The following QSOX1 variants were observed in gnomAD, a reference collection of about 807,000 sequenced individuals.
QSOX1 encodes the protein quiescin sulfhydryl oxidase 1.
Under a neutral mutation model 76.1 loss-of-function variants are expected in QSOX1, and 40 were observed. The ratio of observed to expected loss-of-function variants is 0.53; its 90% CI spans 0.41 to 0.68. The LOEUF (loss-of-function observed/expected upper bound fraction) is 0.68. QSOX1 is among the 30% of genes least tolerant of loss of function. QSOX1 has a pLI of 0.00. For missense variants in QSOX1, 931 were observed against 974.3 expected (o/e 0.96, Z 0.59); for synonymous variants, 392 against 413.1 (o/e 0.95, Z 0.62).
chr1:180,177,908 G>A (rs1662938838), intron 4 of QSOX1, among the ~76,000 whole-genome samples: 1 of 152,032 alleles, frequency 6.6e-6, no homozygotes, highest in Non-Finnish European at 1.5e-5. Context: ...TGGAAACTGG[G>A]CCTCAGTTTC....
intron 5 of QSOX1, among the ~76,000 whole-genome samples, chr1:180,180,114 C>G (rs1318341096): frequency 6.6e-6 from 1 of 152,242 alleles, no homozygotes; most frequent in Non-Finnish European, 1.5e-5. Context: ...ATTTGTAGCA[C>G]AGTTCAGGCA....
At chr1:180,194,887 C>G (rs897819317) in intron 11 of QSOX1, among the ~76,000 whole-genome samples, 8 of 152,040 alleles carry the variant, frequency 5.3e-5, no homozygotes, top group Non-Finnish European at 1.0e-4. Context: ...ATGGCTCTAA[C>G]AGGCAAACAC....
At chr1:180,184,197 G>T in intron 7 of QSOX1, 147 bp downstream of exon 7, 1 of 1,116,910 alleles carries the variant, frequency 9.0e-7, no homozygotes, top group Non-Finnish European at 1.3e-6. Flanking sequence ...CCCACCCTGG[G>T]GTCTGGCCAT....
chr1:180,190,501 T>TC lies in QSOX1; in HGVS notation c.1212dup (p.Cys405LeufsTer50). On this transcript the variant is annotated frameshift_variant, in exon 10 of 12. Coordinates refer to ENST00000367602, the MANE Select transcript of QSOX1 (RefSeq NM_002826.5). LOFTEE classifies it high-confidence loss of function. ...GGAGTGAGCCGCATTTCCGGGGCTT[T>TC]CCCTGCTCCCTGTGGGTCCTCTTCC... is the stretch of plus-strand genomic sequence containing the variant. The TC allele has an allele frequency of 6.2e-7, 1 of 1,614,170 alleles. No individual in the cohort carries two copies. The highest frequency in any genetic ancestry group is 8.5e-7 in the Non-Finnish European group (1 of 1,179,984).
chr1:180,193,699 G>T (rs1474267931), intron 10 of QSOX1, among the ~76,000 whole-genome samples: 1 of 150,106 alleles, frequency 6.7e-6, no homozygotes, highest in Non-Finnish European at 1.5e-5. Context: ...CAGTGGGTGG[G>T]AGGGGGTGGG....
intron 1 of QSOX1, among the ~76,000 whole-genome samples, chr1:180,160,474 T>A (rs1334979810): frequency 1.3e-5 from 2 of 151,918 alleles, no homozygotes; most frequent in African/African-American, 4.8e-5. Flanking sequence ...AACAGTTGTG[T>A]TAGGGATGTT....
chr1:180,193,542 C>T (rs372365473), intron 10 of QSOX1, among the ~76,000 whole-genome samples: 1 of 152,008 alleles, frequency 6.6e-6, no homozygotes, highest in East Asian at 1.9e-4. Flanking sequence ...TGGAGGCAAG[C>T]ACCAGCAGCC....
chr1:180,195,740 A>C (rs1388673348), intron 11 of QSOX1, among the ~76,000 whole-genome samples: 2 of 152,256 alleles, frequency 1.3e-5, no homozygotes, highest in African/African-American at 2.4e-5. Context: ...AAGGATTGCC[A>C]TGAGCAGCTG....
chr1:180,182,287 G>A lies in QSOX1; in HGVS notation c.720G>A (p.Leu240=). The A allele has an allele frequency of 3.1e-6, 5 of 1,614,254 alleles. No homozygotes were observed. Among genetic ancestry groups the A allele is most frequent in the Non-Finnish European group, 4.2e-6 (5 of 1,180,042 alleles). The change falls in exon 6 of 12, where the codon CTG becomes CTA. Residue 240 remains leucine (L), a synonymous_variant. Transcript: ENST00000367602. ...CCGACTTCCCCTCTTGCTACCTGCT[G>A]TTCCGGAATGGCTCTGTCTCCCGAG... ...GVTDFPSCYL[L]FRNGSVSRVP...
intron 8 of QSOX1, among the ~76,000 whole-genome samples, chr1:180,188,091 A>G (rs1663218404): frequency 1.3e-5 from 2 of 152,196 alleles, no homozygotes; most frequent in Admixed American, 1.3e-4. Context: ...CCAGAGAACT[A>G]AAGCACCTTG....
rs975829356 is a variant in QSOX1 at position 180,168,950 on chromosome 1, G to A, written c.366+2359G>A. On this transcript the variant is annotated intron_variant, in intron 2 of 11. Transcript: ENST00000367602. ...AGCGAGGGCCCATGCGAAGCAGGGGGAGGAGAGAGTGCTTTTGGTATGATG... is the reference window on the plus strand; with the variant it reads ...AGCGAGGGCCCATGCGAAGCAGGGGAAGGAGAGAGTGCTTTTGGTATGATG... Among the ~76,000 whole-genome samples, 10 of 152,260 alleles carry A rather than the reference G, an allele frequency of 6.6e-5. 1 individual carries two copies. Among genetic ancestry groups the A allele is most frequent in the Admixed American group, 5.9e-4 (9 of 15,294 alleles).
chr1:180,196,294 G>T lies in QSOX1; in HGVS notation c.1501G>T (p.Val501Leu), dbSNP rs1216450543. ...APSEDPQFPKVQWPPRELCSA... is the reference protein window; with the variant it reads ...APSEDPQFPKLQWPPRELCSA... ...CAGCGAGGACCCCCAGTTCCCCAAGGTGCAGTGGCCACCCCGTGAACTTTG... is the reference window on the plus strand; with the variant it reads ...CAGCGAGGACCCCCAGTTCCCCAAGTTGCAGTGGCCACCCCGTGAACTTTG... Residue 501 changes from valine (V) to leucine (L), a missense_variant, in exon 12 of 12, where the codon GTG (valine) becomes TTG (leucine). By Grantham distance (32) the Val-to-Leu change is conservative (BLOSUM62 1). Transcript: ENST00000367602. The surrounding 1 kb of genome is among the most constrained non-coding windows in gnomAD (Gnocchi z 4.1). The T allele has an allele frequency of 1.2e-6, 2 of 1,613,548 alleles. No individual in the cohort carries two copies. Among genetic ancestry groups the T allele is most frequent in the African/African-American group, 2.7e-5 (2 of 74,856 alleles).
chr1:180,195,847 A>T (rs1426390138), intron 11 of QSOX1, among the ~76,000 whole-genome samples: 3 of 152,242 alleles, frequency 2.0e-5, no homozygotes, highest in African/African-American at 7.2e-5. Flanking sequence ...GCAAAAAAAG[A>T]CAAACACGAG....
Position 180,154,875 on chromosome 1 carries a change from T to C in QSOX1, c.-33T>C. 6 of 1,370,488 alleles carry C rather than the reference T, an allele frequency of 4.4e-6. No individual in the cohort carries two copies. Among genetic ancestry groups the C allele is most frequent in the Non-Finnish European group, 5.6e-6 (6 of 1,068,244 alleles). The allele number at this position is 1,370,488 out of a possible 1,614,324, so 84.9% of individuals were successfully genotyped here. ...CGGCGCCGGGACCCGACTCATCCGG[T>C]GCTTGCGTGTGGTGGTGAGCGCAGC... On this transcript the variant is annotated 5_prime_UTR_variant, in exon 1 of 12. Transcript: ENST00000367602.
In QSOX1 at chr1:180,198,463, T is replaced by A. The variant is rs1266399534; in HGVS notation, c.*1426T>A. 1.3e-5 allele frequency: 6 copies of A among 446,542 alleles called. No individual in the cohort carries two copies. The highest frequency in any genetic ancestry group is 9.3e-5 in the South Asian group (6 of 64,402). 27.7% of individuals were successfully genotyped at this position (446,542 alleles called of 1,614,324 possible). On this transcript the variant is annotated 3_prime_UTR_variant, in exon 12 of 12. Transcript: ENST00000367602. ...GTTTTACAAGGATCAGAGCTGCTGA[T>A]AATGAACCTCATTAAGGGGGAGCAG...
In QSOX1 at chr1:180,198,504, T is replaced by G. The variant is rs1329639924; in HGVS notation, c.*1467T>G. ...GGGGGAGCAGGAGCCTCAATCCGAT[T>G]TGGTTTTCTCTTTGACATCTTCACT... On this transcript the variant is annotated 3_prime_UTR_variant, in exon 12 of 12. Transcript: ENST00000367602. 1.7e-5 allele frequency: 7 copies of G among 420,400 alleles called. No homozygotes were observed. The Admixed American group carries it at 1.7e-4, about 10-fold the overall frequency. 26.0% of individuals were successfully genotyped at this position (420,400 alleles called of 1,614,324 possible).
At chr1:180,192,176 G>T (rs1463482626) in intron 10 of QSOX1, among the ~76,000 whole-genome samples, 1 of 152,208 alleles carries the variant, frequency 6.6e-6, no homozygotes, top group African/African-American at 2.4e-5. Flanking sequence ...CATAGCACAG[G>T]CTGGAGACCA....
chr1:180,189,486 T>C, intron 8 of QSOX1, 66 bp from the exon 9 acceptor site: 1 of 953,274 alleles, frequency 1.0e-6, no homozygotes, highest in Non-Finnish European at 1.4e-6. Context: ...CTTCCTACCA[T>C]CTGCAGGACG....
At chr1:180,167,692 C>CA (rs1204208006) in intron 2 of QSOX1, among the ~76,000 whole-genome samples, 1 of 152,234 alleles carries the variant, frequency 6.6e-6, no homozygotes. Flanking sequence ...CAGGGCCCCC[C>CA]AGGCCCCAGG....
Sources: gnomAD v4.1 joint callset for allele counts (sites outside exome capture counted in the v4.1 genomes callset) on GRCh38, gnomAD v4.1.1 for gene constraint, Gnocchi (gnomAD v3.1) non-coding constraint, MANE v1.5 for transcripts, NCBI Gene and HGNC (gene_info 2026-07-23, HGNC 2026-07-21) for gene names.